The following IQGAP1 variants were observed in gnomAD, a reference collection of about 807,000 sequenced individuals.
IQGAP1 encodes the protein IQ motif containing GTPase activating protein 1.
In IQGAP1, 66 loss-of-function variants were observed where a neutral mutation model predicts 215.6. That is an observed-to-expected ratio of 0.31 (90% CI 0.25 to 0.38). The LOEUF (loss-of-function observed/expected upper bound fraction) is 0.38. Ranked by LOEUF, IQGAP1 falls within the 10% of genes least tolerant of loss-of-function variation. The probability of loss-of-function intolerance (pLI) is 1.00; values close to 1 mark genes in which losing one functional copy is unlikely to be tolerated. For missense variants in IQGAP1, 1,712 were observed against 1,997.1 expected (o/e 0.86, Z 2.72); for synonymous variants, 772 against 728.7 (o/e 1.06, Z -0.96).
At chr15:90,470,387 G>A (rs1353747856) in intron 18 of IQGAP1, among the ~76,000 whole-genome samples, 1 of 152,084 alleles carries the variant, frequency 6.6e-6, no homozygotes, top group Non-Finnish European at 1.5e-5. Flanking sequence ...TTTAATGTCT[G>A]TCTGAATCAC....
intron 5 of IQGAP1, among the ~76,000 whole-genome samples, chr15:90,437,952 G>A (rs1965393212): frequency 6.6e-6 from 1 of 152,116 alleles, no homozygotes; most frequent in South Asian, 2.1e-4. Context: ...ACTTATACTT[G>A]CACTTCTCTG....
At position 90,500,015 on chromosome 15, in the gene IQGAP1, T is replaced by C; in HGVS notation, c.4881T>C (p.Tyr1627=). 2 of 1,605,562 alleles carry C rather than the reference T, an allele frequency of 1.2e-6. No individual in the cohort carries two copies. The highest frequency in any genetic ancestry group is 1.1e-5 in the South Asian group (1 of 90,886). Residue 1627 remains tyrosine, a synonymous_variant, in exon 38 of 38, where the codon TAT becomes TAC. Transcript: ENST00000268182. Reference sequence around the variant, plus strand: ...AATAGGACCTGCTGCAGCTACAGTATGAAGGAGTTGCAGTCATGAAATTAT... The same window carrying C: ...AATAGGACCTGCTGCAGCTACAGTACGAAGGAGTTGCAGTCATGAAATTAT... ...LHYQDLLQLQ[Y]EGVAVMKLFD... is the part of the protein sequence containing the mutation.
chr15:90,438,495 C>A (rs1256984249), intron 5 of IQGAP1, among the ~76,000 whole-genome samples: 1 of 151,996 alleles, frequency 6.6e-6, no homozygotes, highest in African/African-American at 2.4e-5. Flanking sequence ...AAATAATTTT[C>A]ACCAACCTGA....
At chr15:90,450,063 A>G (rs79900358) in intron 11 of IQGAP1, among the ~76,000 whole-genome samples, 24,188 of 152,084 alleles carry the variant, frequency 0.16, 2,660 homozygotes, top group East Asian at 0.46. Context: ...TCATCATCCT[A>G]CTGTGCTATC....
At chr15:90,406,137 T>C (rs1964874471) in intron 2 of IQGAP1, among the ~76,000 whole-genome samples, 1 of 152,204 alleles carries the variant, frequency 6.6e-6, no homozygotes, top group African/African-American at 2.4e-5. Context: ...TCTAGTAAAC[T>C]AGTTTCTGGC....
At chr15:90,441,253 C>T (rs560914014) in intron 7 of IQGAP1, among the ~76,000 whole-genome samples, 3 of 152,304 alleles carry the variant, frequency 2.0e-5, no homozygotes, top group African/African-American at 7.2e-5. Context: ...GAGTGTTTCT[C>T]TGTGAGATTC....
rs1359478508 is a variant in IQGAP1, at chr15:90,430,055, A to G, written c.390+389A>G. On this transcript the variant is annotated intron_variant, in intron 4 of 37. Coordinates refer to ENST00000268182, the MANE Select transcript of IQGAP1 (RefSeq NM_003870.4). ...ATTTGACCTTTGGAAATATAAGGAAATATTTTAGAAATCTGTAGGGAGTAT... is the reference window on the plus strand; with the variant it reads ...ATTTGACCTTTGGAAATATAAGGAAGTATTTTAGAAATCTGTAGGGAGTAT... Among the ~76,000 whole-genome samples the G allele has an allele frequency of 2.0e-5, 3 of 152,264 alleles. No homozygotes were observed. The East Asian group carries it at 5.8e-4, about 29-fold the overall frequency.
At chr15:90,435,580 G>A (rs892433143) in intron 5 of IQGAP1, among the ~76,000 whole-genome samples, 3 of 152,212 alleles carry the variant, frequency 2.0e-5, no homozygotes, top group Admixed American at 1.3e-4. Context: ...TGTCCATGTT[G>A]ATAATCTTGT....
At chr15:90,447,559 T>C (rs1264188916) in intron 9 of IQGAP1, among the ~76,000 whole-genome samples, 1 of 152,172 alleles carries the variant, frequency 6.6e-6, no homozygotes. Context: ...TGTGATAAAA[T>C]CAGATGTTTA....
chr15:90,480,496 A>T (rs1455939846), intron 26 of IQGAP1, among the ~76,000 whole-genome samples: 1 of 152,226 alleles, frequency 6.6e-6, no homozygotes, highest in Non-Finnish European at 1.5e-5. Flanking sequence ...TTTAAAACTC[A>T]TATAAATAAT....
chr15:90,475,061 G>A (rs1285493385), intron 23 of IQGAP1, among the ~76,000 whole-genome samples: 8 of 148,896 alleles, frequency 5.4e-5, no homozygotes, highest in East Asian at 4.0e-4. Context: ...GTGCAGTGGC[G>A]TGATCTCGGC....
chr15:90,485,804 T>C (rs1273005253), intron 30 of IQGAP1, among the ~76,000 whole-genome samples: 1 of 152,176 alleles, frequency 6.6e-6, no homozygotes, highest in East Asian at 1.9e-4. Flanking sequence ...AGAATACCAG[T>C]ATTTCCTCTT....
At chr15:90,492,745 A>T in intron 35 of IQGAP1, 34 bp downstream of exon 35, 4 of 1,561,626 alleles carry the variant, frequency 2.6e-6, no homozygotes, top group Non-Finnish European at 3.5e-6. Flanking sequence ...AATCAATGTC[A>T]GAATTAGAGT....
At chr15:90,481,078 A>G (rs1025920195) in intron 26 of IQGAP1, among the ~76,000 whole-genome samples, 1 of 152,156 alleles carries the variant, frequency 6.6e-6, no homozygotes, top group Non-Finnish European at 1.5e-5. Flanking sequence ...TGAAACCATT[A>G]TCATGAAGTC....
chr15:90,441,812 TAC>T (rs1661538031), intron 8 of IQGAP1, 128 bp downstream of exon 8: 1 of 717,552 alleles, frequency 1.4e-6, no homozygotes, highest in South Asian at 2.1e-5. Flanking sequence ...ATTTTAAATG[TAC>T]AGTTTGAGTT....
At chr15:90,490,414 G>A (rs988485159) in intron 33 of IQGAP1, among the ~76,000 whole-genome samples, 1 of 151,718 alleles carries the variant, frequency 6.6e-6, no homozygotes, top group Admixed American at 6.6e-5. Flanking sequence ...GAAACAGTGA[G>A]TGTAGATCAT....
chr15:90,392,094 A>G (rs1964643801), intron 2 of IQGAP1, among the ~76,000 whole-genome samples: 6 of 150,752 alleles, frequency 4.0e-5, no homozygotes, highest in Admixed American at 4.0e-4. Context: ...CAAAACCAAC[A>G]TCGCTACATT....
At chr15:90,401,333 A>T (rs973187305) in intron 2 of IQGAP1, among the ~76,000 whole-genome samples, 11 of 152,168 alleles carry the variant, frequency 7.2e-5, no homozygotes, top group African/African-American at 1.2e-4. Flanking sequence ...TTGGGTTAAA[A>T]TTTTTTAAAA....
chr15:90,411,755 A>G (rs1015809016), intron 2 of IQGAP1, among the ~76,000 whole-genome samples: 4 of 152,190 alleles, frequency 2.6e-5, no homozygotes, highest in African/African-American at 7.2e-5. Context: ...CATTTCATTT[A>G]AGATTAAAAG....
Sources: gnomAD v4.1 joint callset for allele counts (sites outside exome capture counted in the v4.1 genomes callset) on GRCh38, gnomAD v4.1.1 for gene constraint, MANE v1.5 for transcripts, NCBI Gene and HGNC (gene_info 2026-07-23, HGNC 2026-07-21) for gene names.